CCSER1: variants seen among roughly 807,000 people sequenced by gnomAD.
CCSER1 encodes the protein serine-rich coiled-coil domain-containing protein 1.
Under a neutral mutation model 82.0 loss-of-function variants are expected in CCSER1, and 41 were observed. That is an observed-to-expected ratio of 0.50 (90% CI 0.39 to 0.65). The LOEUF is 0.65. CCSER1 is among the 30% of genes least tolerant of loss of function. CCSER1 has a pLI of 0.00. For missense variants in CCSER1, 1,119 were observed against 1,064.2 expected, an observed-to-expected ratio of 1.05 and a Z score of -0.72; for synonymous variants, 414 against 383.9, an observed-to-expected ratio of 1.08 and a Z score of -0.92.
intron 10 of CCSER1, among the ~76,000 whole-genome samples, chr4:91,270,668 C>T (rs918215090): frequency 2.6e-5 from 4 of 152,136 alleles, no homozygotes; most frequent in Non-Finnish European, 4.4e-5. Flanking sequence ...GGAGAAGCTC[C>T]TGGGATGCAG....
chr4:91,140,184 T>C (rs1728892202), intron 10 of CCSER1, among the ~76,000 whole-genome samples: 1 of 151,990 alleles, frequency 6.6e-6, no homozygotes, highest in Admixed American at 6.6e-5. Context: ...GAAAAATTGT[T>C]CCCTTCCTTG....
At chr4:91,102,140 A>T (rs1389712363) in intron 10 of CCSER1, among the ~76,000 whole-genome samples, 1 of 152,168 alleles carries the variant, frequency 6.6e-6, no homozygotes, top group Non-Finnish European at 1.5e-5. Context: ...TTCACTGTTG[A>T]TGCCACAAAA....
chr4:90,448,279 C>A (rs1397327438), intron 4 of CCSER1, among the ~76,000 whole-genome samples: 2 of 151,532 alleles, frequency 1.3e-5, no homozygotes, highest in Non-Finnish European at 2.9e-5. Context: ...GGATAATTCA[C>A]AAAGCATTGT....
At chr4:91,448,007 A>G (rs1233366514) in intron 10 of CCSER1, among the ~76,000 whole-genome samples, 3 of 152,158 alleles carry the variant, frequency 2.0e-5, no homozygotes, top group East Asian at 1.9e-4. Flanking sequence ...TTTCAGTGTA[A>G]GAGTTGAGTA....
At chr4:90,670,593 C>A (rs1387359699) in intron 6 of CCSER1, among the ~76,000 whole-genome samples, 2 of 152,056 alleles carry the variant, frequency 1.3e-5, no homozygotes, top group East Asian at 1.9e-4. Flanking sequence ...AAGAAGGGGG[C>A]AACTATGAAC....
At chr4:90,221,073 G>A (rs1315736132) in intron 1 of CCSER1, among the ~76,000 whole-genome samples, 44 of 152,138 alleles carry the variant, frequency 2.9e-4, no homozygotes, top group Admixed American at 6.5e-5. Flanking sequence ...CATTTAATAA[G>A]CAAGGAATCA....
At chr4:91,365,791 A>C (rs922049932) in intron 10 of CCSER1, among the ~76,000 whole-genome samples, 3 of 152,170 alleles carry the variant, frequency 2.0e-5, no homozygotes, top group African/African-American at 7.2e-5. Flanking sequence ...CTAAGCCTAC[A>C]ACCAATAAAG....
intron 10 of CCSER1, among the ~76,000 whole-genome samples, chr4:91,339,589 G>C (rs535522779): frequency 6.6e-6 from 1 of 152,212 alleles, no homozygotes; most frequent in Admixed American, 6.5e-5. Context: ...CAAGATGGCA[G>C]CATCAGTTGC....
chr4:90,920,903 T>C (rs187521856), intron 8 of CCSER1, among the ~76,000 whole-genome samples: 26 of 151,974 alleles, frequency 1.7e-4, no homozygotes, highest in African/African-American at 5.5e-4. Flanking sequence ...AAACTGATAA[T>C]AATTTTAGTC....
intron 3 of CCSER1, among the ~76,000 whole-genome samples, chr4:90,367,290 C>T (rs946005546): frequency 1.4e-4 from 22 of 151,846 alleles, no homozygotes; most frequent in African/African-American, 4.6e-4. Context: ...TTTAGGGTAG[C>T]GAATGAGCAT....
At chr4:90,367,169 G>C (rs895822416) in intron 3 of CCSER1, among the ~76,000 whole-genome samples, 1 of 151,700 alleles carries the variant, frequency 6.6e-6, no homozygotes, top group Non-Finnish European at 1.5e-5. Context: ...GTAACAAAGA[G>C]TGGAACAAAC....
At chr4:90,488,555 T>C (rs566331065) in intron 5 of CCSER1, among the ~76,000 whole-genome samples, 7 of 152,150 alleles carry the variant, frequency 4.6e-5, no homozygotes, top group Non-Finnish European at 8.8e-5. Context: ...TATGTATTAA[T>C]AAAAGCCCTC....
rs778576429 is a variant in CCSER1 at position 91,601,613 on chromosome 4, T to C, written c.*2556T>C. On this transcript the variant is annotated 3_prime_UTR_variant, in exon 11 of 11. Coordinates refer to ENST00000509176, the MANE Select transcript of CCSER1 (RefSeq NM_001145065.2). Reference sequence around the variant, plus strand: ...TAGTTTTCTAAGACAGTTCCATGTATAAAAATGATTTATGCATTTCTCCAA... The same window carrying C: ...TAGTTTTCTAAGACAGTTCCATGTACAAAAATGATTTATGCATTTCTCCAA... 1 of 152,058 alleles carries C rather than the reference T, an allele frequency of 6.6e-6. No homozygotes were observed. The highest frequency in any genetic ancestry group is 1.5e-5 in the Non-Finnish European group (1 of 67,940). The allele number at this position is 152,058 out of a possible 1,614,324, so 9.4% of individuals were successfully genotyped here.
chr4:91,339,159 G>A (rs1295815560), intron 10 of CCSER1, among the ~76,000 whole-genome samples: 2 of 152,102 alleles, frequency 1.3e-5, no homozygotes, highest in African/African-American at 2.4e-5. Context: ...ATTACATCAA[G>A]TAAGTATATC....
chr4:90,846,488 G>T (rs967928040), intron 8 of CCSER1, among the ~76,000 whole-genome samples: 1 of 152,206 alleles, frequency 6.6e-6, no homozygotes, highest in Non-Finnish European at 1.5e-5. Context: ...GTGATATTTT[G>T]ATACATGCAG....
intron 1 of CCSER1, among the ~76,000 whole-genome samples, chr4:90,225,789 A>G (rs1477021725): frequency 6.6e-6 from 1 of 152,168 alleles, no homozygotes; most frequent in Admixed American, 6.5e-5. Context: ...TGCTTTAGAT[A>G]TGCTACTGGT....
rs1265593220 is a variant in CCSER1, at chr4:90,265,809, G to T, written c.-41-42435G>T. On this transcript the variant is annotated intron_variant, in intron 1 of 10. Transcript: ENST00000509176. ...ATAATTGTATTTCATTTTCTTGATT[G>T]AATAGATACATAGAATAAAATGCAC... is the stretch of plus-strand genomic sequence containing the variant. 2.0e-5 allele frequency among the ~76,000 whole-genome samples: 3 copies of T among 151,954 alleles called. No homozygotes were observed. In the East Asian group the frequency reaches 5.8e-4, roughly 29 times the overall value.
Position 90,342,584 on chromosome 4 carries a change from A to G in CCSER1, c.1509+29537A>G, listed in dbSNP as rs1016968945. ...ATTTTTTTCATTCCAGTCATAAAGG[A>G]AAGGTCATTTATCAAGAATCTTGTT... On this transcript the variant is annotated intron_variant, in intron 3 of 10. Coordinates refer to ENST00000509176, the MANE Select transcript of CCSER1 (RefSeq NM_001145065.2). 3.9e-5 allele frequency among the ~76,000 whole-genome samples: 6 copies of G among 152,194 alleles called. No individual in the cohort carries two copies. The East Asian group carries it at 1.2e-3, about 29-fold the overall frequency.
intron 10 of CCSER1, among the ~76,000 whole-genome samples, chr4:91,171,365 G>T (rs1732736172): frequency 6.6e-6 from 1 of 152,184 alleles, no homozygotes. Context: ...GATATCAGCA[G>T]ACATCTGTTT....
Sources: gnomAD v4.1 joint callset for allele counts (sites outside exome capture counted in the v4.1 genomes callset) on GRCh38, gnomAD v4.1.1 for gene constraint, MANE v1.5 for transcripts, NCBI Gene and HGNC (gene_info 2026-07-23, HGNC 2026-07-21) for gene names.